The following DGKH variants were observed in gnomAD, a reference collection of about 807,000 sequenced individuals.
DGKH encodes DAG kinase eta.
In DGKH, 90 loss-of-function variants were observed where a neutral mutation model predicts 159.3. That is an observed-to-expected ratio of 0.57 (90% confidence interval 0.48 to 0.67). The LOEUF (loss-of-function observed/expected upper bound fraction) is 0.67. Among genes scored for constraint, DGKH ranks in the 30% least tolerant of loss-of-function variants. DGKH has a pLI of 0.00. For missense variants in DGKH, 1,181 were observed against 1,506.1 expected, an observed-to-expected ratio of 0.78 and a Z score of 3.57; for synonymous variants, 536 against 553.8, an observed-to-expected ratio of 0.97 and a Z score of 0.45.
intron 30 of DGKH, among the ~76,000 whole-genome samples, chr13:42,253,325 C>A (rs238325): frequency 0.99 from 150,108 of 152,242 alleles, 74,027 homozygotes; most frequent in East Asian, 1. Flanking sequence ...CCACCATGTG[C>A]GGACACAGCA....
At chr13:42,107,643 G>T (rs374138077) in intron 1 of DGKH, among the ~76,000 whole-genome samples, 27 of 152,262 alleles carry the variant, frequency 1.8e-4, no homozygotes, top group African/African-American at 6.3e-4. Flanking sequence ...CTTGTGAACA[G>T]TGGGGGACTT....
Position 42,193,773 on chromosome 13 carries a change from A to G in DGKH, c.2036-1112A>G, listed in dbSNP as rs541736099. Among the ~76,000 whole-genome samples, 129 of 152,254 alleles carry G rather than the reference A, an allele frequency of 8.5e-4. 2 individuals are homozygous for G. The highest frequency in any genetic ancestry group is 2.9e-3 in the African/African-American group (120 of 41,556). ...TGCAATGGGACTGTTTTTGAATGAG[A>G]CAATAGAGTGTAAAATTAATATAGT... On this transcript the variant is annotated intron_variant, in intron 16 of 29. Coordinates refer to ENST00000337343, the MANE Select transcript of DGKH (RefSeq NM_178009.5).
At chr13:42,217,086 T>C (rs186238177) in intron 26 of DGKH, among the ~76,000 whole-genome samples, 20 of 152,346 alleles carry the variant, frequency 1.3e-4, no homozygotes, top group African/African-American at 4.8e-4. Context: ...TTACCAAAAC[T>C]TTTGACAATA....
chr13:42,096,056 C>G (rs1309404178), intron 1 of DGKH, among the ~76,000 whole-genome samples: 2 of 152,092 alleles, frequency 1.3e-5, no homozygotes, highest in African/African-American at 4.8e-5. Flanking sequence ...TAGGTCACAA[C>G]AAGTAATGTT....
intron 1 of DGKH, among the ~76,000 whole-genome samples, chr13:42,100,473 A>G (rs1172929462): frequency 6.6e-6 from 1 of 152,120 alleles, no homozygotes; most frequent in African/African-American, 2.4e-5. Flanking sequence ...CCATGGAAAA[A>G]CTGTCTTTCA....
chr13:42,098,655 T>C (rs760472677), intron 1 of DGKH, among the ~76,000 whole-genome samples: 24 of 152,204 alleles, frequency 1.6e-4, no homozygotes, highest in Non-Finnish European at 1.8e-4. Flanking sequence ...GTCATGCTGG[T>C]CTCTTTGTGA....
chr13:42,217,597 A>C (rs1463013717), intron 26 of DGKH, among the ~76,000 whole-genome samples: 1 of 141,496 alleles, frequency 7.1e-6, no homozygotes, highest in Non-Finnish European at 1.6e-5. Flanking sequence ...GTGAATAACA[A>C]GGGGAAACAA....
Position 42,209,359 on chromosome 13 carries a change from G to T in DGKH, c.2744G>T (p.Gly915Val). ...CGTACAGTGAAAATCACTATATTTG[G>T]TGACGAAGGAGTCCCAGTGCAAGTG... ...QCRTVKITIFGDEGVPVQVDG... is the reference protein window; with the variant it reads ...QCRTVKITIFVDEGVPVQVDG... The change falls in exon 23 of 30, where the codon GGT becomes GTT. Residue 915 changes from glycine (G) to valine (V), a missense_variant. By Grantham distance (109) the Gly-to-Val change is moderately radical (BLOSUM62 -3). This residue lies in a region of DGKH where 335 missense variants were observed against 495.2 expected (regional missense o/e 0.68). Coordinates refer to ENST00000337343, the MANE Select transcript of DGKH (RefSeq NM_178009.5). 1 of 1,613,162 alleles carries T rather than the reference G, an allele frequency of 6.2e-7. No individual in the cohort carries two copies. Among genetic ancestry groups the T allele is most frequent in the South Asian group, 1.1e-5 (1 of 90,918 alleles).
chr13:42,060,645 CA>C (rs1178523168), intron 1 of DGKH, among the ~76,000 whole-genome samples: 1 of 152,158 alleles, frequency 6.6e-6, no homozygotes, highest in Non-Finnish European at 1.5e-5. Context: ...CTGCTATGGC[CA>C]GGCATAGTGT....
chr13:42,089,405 C>T (rs1954370855), intron 1 of DGKH, among the ~76,000 whole-genome samples: 1 of 152,106 alleles, frequency 6.6e-6, no homozygotes, highest in Non-Finnish European at 1.5e-5. Flanking sequence ...TGACAAATGA[C>T]TGCAAACTTA....
At chr13:42,134,565 T>C (rs1209225397) in intron 3 of DGKH, among the ~76,000 whole-genome samples, 1 of 152,190 alleles carries the variant, frequency 6.6e-6, no homozygotes, top group East Asian at 1.9e-4. Flanking sequence ...CTCCAGGTCT[T>C]ACAATATAAA....
chr13:42,158,329 T>A (rs778672984), intron 5 of DGKH, among the ~76,000 whole-genome samples: 23 of 152,372 alleles, frequency 1.5e-4, no homozygotes, highest in Middle Eastern at 3.4e-3. Flanking sequence ...TACCTTAGTA[T>A]GTTTCCACTG....
At chr13:42,101,609 T>C (rs985351657) in intron 1 of DGKH, among the ~76,000 whole-genome samples, 2 of 152,186 alleles carry the variant, frequency 1.3e-5, no homozygotes, top group Non-Finnish European at 2.9e-5. Context: ...TTTCAGGGAC[T>C]TCTGGAGGAG....
intron 11 of DGKH, 105 bp downstream of exon 11, chr13:42,168,923 A>T: frequency 7.9e-7 from 1 of 1,271,772 alleles, no homozygotes; most frequent in Non-Finnish European, 1.1e-6. Flanking sequence ...ACTGACTAGA[A>T]GCTCCACGAA....
chr13:42,207,170 C>T (rs866444872), intron 21 of DGKH, among the ~76,000 whole-genome samples: 5 of 80,428 alleles, frequency 6.2e-5, no homozygotes, highest in African/African-American at 1.8e-4. Flanking sequence ...TCCTTCCTTC[C>T]TTCCTTCCTT....
chr13:42,049,658 C>T (rs1881121375), intron 1 of DGKH, among the ~76,000 whole-genome samples: 1 of 152,214 alleles, frequency 6.6e-6, no homozygotes, highest in Non-Finnish European at 1.5e-5. Flanking sequence ...AGGTTCCCGC[C>T]AAGTGCAGGC....
chr13:42,097,778 G>A (rs985129956), intron 1 of DGKH, among the ~76,000 whole-genome samples: 5 of 152,144 alleles, frequency 3.3e-5, no homozygotes, highest in African/African-American at 9.7e-5. Context: ...GAAGAAATAG[G>A]GAGTGAGGTG....
At chr13:42,177,199 C>G (rs896147851) in intron 12 of DGKH, among the ~76,000 whole-genome samples, 7 of 152,102 alleles carry the variant, frequency 4.6e-5, no homozygotes, top group African/African-American at 1.7e-4. Flanking sequence ...TCAAGACCCC[C>G]ACCTCCTACC....
chr13:42,147,930 A>G (rs941867194), intron 3 of DGKH, among the ~76,000 whole-genome samples: 3 of 152,168 alleles, frequency 2.0e-5, no homozygotes, highest in African/African-American at 4.8e-5. Flanking sequence ...GCACTTTCAC[A>G]TTTCCTTTCT....
Sources: allele counts gnomAD v4.1 joint callset (sites outside exome capture counted in the v4.1 genomes callset), GRCh38; gene constraint gnomAD v4.1.1; regional missense constraint gnomAD v4.1.1; transcripts MANE v1.5; gene names NCBI Gene and HGNC (gene_info 2026-07-23, HGNC 2026-07-21).